The following ROBO1 variants were observed in gnomAD, a reference collection of about 807,000 sequenced individuals.
The protein encoded by ROBO1 is roundabout guidance receptor 1.
A neutral mutation model predicts 195.9 loss-of-function variants in ROBO1; 149 were observed. The ratio of observed to expected loss-of-function variants is 0.76; its 90% CI spans 0.67 to 0.87. ROBO1 has a LOEUF of 0.87. Ranked by LOEUF, ROBO1 falls within the 40% of genes least tolerant of loss-of-function variation. ROBO1 has a pLI of 0.00. For synonymous variants in ROBO1, 816 were observed against 733.2 expected, an observed-to-expected ratio of 1.11 and a Z score of -1.82; for missense variants, 1,933 against 2,068.3, an observed-to-expected ratio of 0.93 and a Z score of 1.27.
intron 2 of ROBO1, among the ~76,000 whole-genome samples, chr3:79,370,094 A>T (rs1482143506): frequency 6.6e-6 from 1 of 151,946 alleles, no homozygotes; most frequent in Non-Finnish European, 1.5e-5. Flanking sequence ...GTGGCTCATG[A>T]CTGTAATCCC....
At chr3:78,642,100 G>A (rs924653449) in intron 21 of ROBO1, among the ~76,000 whole-genome samples, 6 of 151,856 alleles carry the variant, frequency 4.0e-5, no homozygotes, top group Non-Finnish European at 7.4e-5. Context: ...ATATATTCGA[G>A]CTTAAGATAT....
At chr3:78,674,946 A>G (rs965943085) in intron 10 of ROBO1, among the ~76,000 whole-genome samples, 1 of 152,098 alleles carries the variant, frequency 6.6e-6, no homozygotes, top group East Asian at 1.9e-4. Flanking sequence ...AATTCACTAT[A>G]TGGCTTTCAC....
intron 4 of ROBO1, among the ~76,000 whole-genome samples, chr3:78,874,132 T>C (rs1166528568): frequency 1.3e-5 from 2 of 151,942 alleles, no homozygotes; most frequent in South Asian, 4.1e-4. Flanking sequence ...TCAGATTAGG[T>C]ATTAAAATAT....
At chr3:79,344,657 G>C (rs1483010036) in intron 2 of ROBO1, among the ~76,000 whole-genome samples, 1 of 151,944 alleles carries the variant, frequency 6.6e-6, no homozygotes, top group East Asian at 1.9e-4. Flanking sequence ...AATAATGAAT[G>C]CTTTTGTTAG....
At chr3:78,872,750 C>A (rs1311503086) in intron 4 of ROBO1, among the ~76,000 whole-genome samples, 3 of 152,120 alleles carry the variant, frequency 2.0e-5, no homozygotes. Context: ...GCTCCCTGGA[C>A]AAATCAAGGC....
chr3:78,780,499 T>C (rs1236014429), intron 4 of ROBO1, among the ~76,000 whole-genome samples: 2 of 152,070 alleles, frequency 1.3e-5, no homozygotes, highest in Non-Finnish European at 2.9e-5. Context: ...TTATCTCTCC[T>C]GTCATGTCCC....
At chr3:78,611,334 C>G (rs558806108) in intron 28 of ROBO1, among the ~76,000 whole-genome samples, 4 of 152,086 alleles carry the variant, frequency 2.6e-5, no homozygotes, top group Non-Finnish European at 2.9e-5. Context: ...TTTAAATCAA[C>G]TATGTAAATG....
In ROBO1 at chr3:78,708,836, T is replaced by C. The variant is rs147553182; in HGVS notation, c.1045+5561A>G. ...TAAAAGATGGAGCCATGATGCAACATGAAACACCACTTCAGTGAATAATTC... is the reference window on the plus strand; with the variant it reads ...TAAAAGATGGAGCCATGATGCAACACGAAACACCACTTCAGTGAATAATTC... On this transcript the variant is annotated intron_variant, in intron 8 of 30. Coordinates refer to ENST00000464233, the MANE Select transcript of ROBO1 (RefSeq NM_002941.4). 1.9e-3 allele frequency among the ~76,000 whole-genome samples: 283 copies of C among 152,300 alleles called. 1 individual carries two copies. The highest frequency in any genetic ancestry group is 6.4e-3 in the African/African-American group (264 of 41,564).
chr3:79,081,063 T>C (rs1464707094), intron 3 of ROBO1, among the ~76,000 whole-genome samples: 1 of 151,960 alleles, frequency 6.6e-6, no homozygotes, highest in Admixed American at 6.6e-5. Context: ...TAGAAGAAAA[T>C]CGACTTATAG....
chr3:79,000,274 T>G (rs1009187355), intron 3 of ROBO1, among the ~76,000 whole-genome samples: 1 of 152,106 alleles, frequency 6.6e-6, no homozygotes, highest in South Asian at 2.1e-4. Flanking sequence ...TGGGGTTGTT[T>G]TTTTCTTGTA....
intron 2 of ROBO1, among the ~76,000 whole-genome samples, chr3:79,529,149 T>G (rs992818629): frequency 1.3e-5 from 2 of 152,132 alleles, no homozygotes; most frequent in Admixed American, 6.5e-5. Flanking sequence ...TAACAATGGT[T>G]TGAAAAAAGT....
At chr3:79,020,132 G>A (rs184061840) in intron 3 of ROBO1, among the ~76,000 whole-genome samples, 13 of 152,294 alleles carry the variant, frequency 8.5e-5, no homozygotes, top group African/African-American at 3.1e-4. Context: ...TTAAGAGAGA[G>A]AGAAACAAAT....
intron 1 of ROBO1, among the ~76,000 whole-genome samples, chr3:79,675,054 G>A (rs1946745228): frequency 6.6e-6 from 1 of 151,776 alleles, no homozygotes; most frequent in Non-Finnish European, 1.5e-5. Flanking sequence ...ACATCTGGTT[G>A]AGCACAGTGC....
chr3:79,061,190 A>C (rs1260530658), intron 3 of ROBO1, among the ~76,000 whole-genome samples: 2 of 152,152 alleles, frequency 1.3e-5, no homozygotes, highest in Non-Finnish European at 2.9e-5. Flanking sequence ...AATCACAAGC[A>C]CTCCTATACG....
chr3:78,720,776 G>A (rs1028384335), intron 5 of ROBO1, among the ~76,000 whole-genome samples: 14 of 152,156 alleles, frequency 9.2e-5, no homozygotes, highest in African/African-American at 3.4e-4. Flanking sequence ...AAAAAAGGAT[G>A]AGTTCATGTC....
At chr3:79,469,034 C>G (rs996381668) in intron 2 of ROBO1, among the ~76,000 whole-genome samples, 3 of 152,064 alleles carry the variant, frequency 2.0e-5, no homozygotes, top group African/African-American at 7.2e-5. Context: ...ATCTACTTAA[C>G]AACCTACTAA....
At chr3:79,638,435 G>A (rs966838349) in intron 1 of ROBO1, among the ~76,000 whole-genome samples, 3 of 152,032 alleles carry the variant, frequency 2.0e-5, no homozygotes, top group African/African-American at 4.8e-5. Context: ...CTGTCACCCA[G>A]GCTGGAGTGC....
At chr3:78,998,466 T>C (rs1370316367) in intron 3 of ROBO1, among the ~76,000 whole-genome samples, 2 of 152,174 alleles carry the variant, frequency 1.3e-5, no homozygotes, top group Non-Finnish European at 2.9e-5. Context: ...TCTTAATATT[T>C]TGTAACATTT....
At position 78,598,330 on chromosome 3, in the gene ROBO1, A is replaced by AATG. The variant is rs1702959496; in HGVS notation, c.*580_*582dup. The stretch of plus-strand genomic sequence containing the variant: ...GGGTTTGCAAAGAGTAAATATTTAC[A>AATG]ATGTTTCTACCCCATTCGAATTGTT... On this transcript the variant is annotated 3_prime_UTR_variant, in exon 31 of 31. Coordinates refer to ENST00000464233, the MANE Select transcript of ROBO1 (RefSeq NM_002941.4). 1 of 152,452 alleles carries AATG rather than the reference A, an allele frequency of 6.6e-6. No individual in the cohort carries two copies. The highest frequency in any genetic ancestry group is 1.5e-5 in the Non-Finnish European group (1 of 68,026). The allele number at this position is 152,452 out of a possible 1,614,324, so 9.4% of individuals were successfully genotyped here.
Sources: gnomAD v4.1 joint callset for allele counts (sites outside exome capture counted in the v4.1 genomes callset) on GRCh38, gnomAD v4.1.1 for gene constraint, MANE v1.5 for transcripts, NCBI Gene and HGNC (gene_info 2026-07-23, HGNC 2026-07-21) for gene names.